Variants in TJP2 observed in about 807,000 individuals in gnomAD.
TJP2 encodes the protein tight junction protein 2.
TJP2 carries 91 observed loss-of-function variants against 133.1 expected under a neutral mutation model. That is an observed-to-expected ratio of 0.68 (90% CI 0.58 to 0.81). The LOEUF (loss-of-function observed/expected upper bound fraction) is 0.81, where lower values mean the gene tolerates loss of function less well. Ranked by LOEUF, TJP2 falls within the 40% of genes least tolerant of loss-of-function variation. The pLI, the probability that TJP2 is intolerant of heterozygous loss-of-function variation, is 0.00. For missense variants in TJP2, 1,541 were observed against 1,565.6 expected (o/e 0.98, Z 0.26); for synonymous variants, 592 against 583.4 (o/e 1.01, Z -0.21).
chr9:69,167,904 C>T (rs1026180712), intron 2 of TJP2, among the ~76,000 whole-genome samples: 6 of 151,230 alleles, frequency 4.0e-5, no homozygotes, highest in Non-Finnish European at 7.4e-5. Context: ...AGAATGTCTG[C>T]GTGAAAATTT....
Position 69,254,532 on chromosome 9 carries a change from G to A in TJP2, c.*158G>A. ...TCATGGAGAACCCAGGGGACAGCTGGTGCAAATTCAGAACTGAGGGCTCTG... is the reference window on the plus strand; with the variant it reads ...TCATGGAGAACCCAGGGGACAGCTGATGCAAATTCAGAACTGAGGGCTCTG... On this transcript the variant is annotated 3_prime_UTR_variant, in exon 23 of 23. Coordinates refer to ENST00000377245, the MANE Select transcript of TJP2 (RefSeq NM_004817.4). The A allele has an allele frequency of 3.2e-6, 3 of 940,200 alleles. No individual in the cohort carries two copies. Among genetic ancestry groups the A allele is most frequent in the Non-Finnish European group, 4.9e-6 (3 of 607,642 alleles). The allele number at this position is 940,200 out of a possible 1,614,324, so 58.2% of individuals were successfully genotyped here.
intron 1 of TJP2, among the ~76,000 whole-genome samples, chr9:69,180,059 T>C (rs1158802436): frequency 6.6e-6 from 1 of 152,236 alleles, no homozygotes; most frequent in Admixed American, 6.5e-5. Flanking sequence ...AGAGAAAACA[T>C]GGTATCATCT....
At chr9:69,145,647 G>T (rs1197296964) in intron 1 of TJP2, 12 of 1,071,954 alleles carry the variant, frequency 1.1e-5, no homozygotes, top group Non-Finnish European at 1.3e-5. Flanking sequence ...GATTAGTTCA[G>T]TTGCTTCAGG....
At chr9:69,181,744 T>G (rs1825527587) in intron 1 of TJP2, among the ~76,000 whole-genome samples, 1 of 150,812 alleles carries the variant, frequency 6.6e-6, no homozygotes, top group Non-Finnish European at 1.5e-5. Flanking sequence ...CTTGCTTTCT[T>G]TTTTTTTTAG....
At chr9:69,247,300 C>G (rs1182587014) in intron 18 of TJP2, among the ~76,000 whole-genome samples, 2 of 152,224 alleles carry the variant, frequency 1.3e-5, no homozygotes, top group Non-Finnish European at 2.9e-5. Flanking sequence ...AGAATTGGAT[C>G]GCTTCTCCCT....
chr9:69,230,067 C>T lies in TJP2; in HGVS notation c.1521-15C>T, dbSNP rs1174197047. On this transcript the variant is annotated splice_polypyrimidine_tract_variant and intron_variant, in intron 10 of 22. Coordinates refer to ENST00000377245, the MANE Select transcript of TJP2 (RefSeq NM_004817.4). ...TATCTCCCATCTTTCCTTTCTGAAA[C>T]GGAACCTATTGCAGCCCTAATACCA... is the stretch of plus-strand genomic sequence containing the variant. 1.6e-5 allele frequency: 26 copies of T among 1,613,854 alleles called. No homozygotes were observed. The highest frequency in any genetic ancestry group is 2.2e-5 in the South Asian group (2 of 91,072).
At chr9:69,122,746 G>C (rs935686768) in intron 1 of TJP2, among the ~76,000 whole-genome samples, 2 of 152,162 alleles carry the variant, frequency 1.3e-5, no homozygotes, top group African/African-American at 4.8e-5. Flanking sequence ...CTTATTGTCT[G>C]TGGCTACTTC....
intron 1 of TJP2, 44 bp downstream of exon 1, chr9:69,174,476 GC>G: frequency 6.5e-7 from 1 of 1,533,308 alleles, no homozygotes. Flanking sequence ...AGGGTCGTGA[GC>G]GTGAGCGTGG....
intron 14 of TJP2, 107 bp downstream of exon 14, chr9:69,237,243 G>A (rs1830255977): frequency 7.6e-7 from 1 of 1,322,236 alleles, no homozygotes; most frequent in South Asian, 1.2e-5. Context: ...TGTCAGTTAT[G>A]CCAAAGGCAG....
intron 1 of TJP2, among the ~76,000 whole-genome samples, chr9:69,133,031 G>T (rs994632004): frequency 1.3e-5 from 2 of 152,040 alleles, no homozygotes; most frequent in African/African-American, 4.8e-5. Context: ...GTGCAATCTC[G>T]ACTCACTGCA....
intron 1 of TJP2, among the ~76,000 whole-genome samples, chr9:69,144,816 A>G (rs1823146128): frequency 6.6e-6 from 1 of 152,324 alleles, no homozygotes; most frequent in South Asian, 2.1e-4. Flanking sequence ...AGCAAATCCA[A>G]TGGAAACAGG....
chr9:69,143,886 G>A (rs530089111), intron 1 of TJP2, among the ~76,000 whole-genome samples: 2 of 152,230 alleles, frequency 1.3e-5, no homozygotes, highest in Non-Finnish European at 2.9e-5. Context: ...AGATTTTTAA[G>A]TACACTCTAC....
At chr9:69,252,115 C>T (rs892720810) in intron 21 of TJP2, among the ~76,000 whole-genome samples, 1 of 152,166 alleles carries the variant, frequency 6.6e-6, no homozygotes, top group Non-Finnish European at 1.5e-5. Flanking sequence ...CCACCTCAGC[C>T]TCCTGAATAG....
intron 2 of TJP2, among the ~76,000 whole-genome samples, chr9:69,161,788 C>T (rs1250158828): frequency 6.7e-6 from 1 of 150,002 alleles, no homozygotes. Context: ...TGGCTCACGC[C>T]TGTAATCCTA....
chr9:69,230,057 C>CT (rs770585941), intron 10 of TJP2, 25 bp from the exon 11 acceptor site: 1 of 1,613,920 alleles, frequency 6.2e-7, no homozygotes, highest in Admixed American at 1.7e-5. Flanking sequence ...CCCATCTTTC[C>CT]TTTCTGAAAC....
exon 1 of TJP2, chr9:69,121,722 C>G (rs1446882240): frequency 6.6e-6 from 1 of 152,432 alleles, no homozygotes; most frequent in Admixed American, 6.6e-5. Context: ...GCCACCGGCT[C>G]TAGGCAAGTA....
chr9:69,131,625 G>T (rs974876403), intron 1 of TJP2, among the ~76,000 whole-genome samples: 8 of 152,218 alleles, frequency 5.3e-5, no homozygotes, highest in African/African-American at 1.9e-4. Flanking sequence ...AGAGCAAAGT[G>T]ATTTAATATC....
At chr9:69,197,294 C>T (rs2133098975) in intron 1 of TJP2, among the ~76,000 whole-genome samples, 1 of 152,274 alleles carries the variant, frequency 6.6e-6, no homozygotes, top group East Asian at 1.9e-4. Context: ...CATGTTGTAG[C>T]ATGTGTAGAT....
intron 1 of TJP2, among the ~76,000 whole-genome samples, chr9:69,193,848 T>A (rs1826372236): frequency 6.6e-6 from 1 of 151,764 alleles, no homozygotes; most frequent in Non-Finnish European, 1.5e-5. Flanking sequence ...CTGGATGGAG[T>A]ATGTTCCAGT....
Sources: gnomAD v4.1 joint callset for allele counts (sites outside exome capture counted in the v4.1 genomes callset) on GRCh38, gnomAD v4.1.1 for gene constraint, MANE v1.5 for transcripts, NCBI Gene and HGNC (gene_info 2026-07-23, HGNC 2026-07-21) for gene names.